DAB1: variants seen among roughly 807,000 people sequenced by gnomAD.
The protein encoded by DAB1 is DAB adaptor protein 1.
In DAB1, 15 loss-of-function variants were observed where a neutral mutation model predicts 64.6. The observed-to-expected ratio is 0.23, with a 90% CI of 0.16 to 0.36. The LOEUF (loss-of-function observed/expected upper bound fraction) is 0.36, where lower values mean the gene tolerates loss of function less well. Ranked by LOEUF, DAB1 falls within the 10% of genes least tolerant of loss-of-function variation. The pLI, the probability that DAB1 is intolerant of heterozygous loss-of-function variation, is 1.00. For missense variants in DAB1, 596 were observed against 706.7 expected (o/e 0.84, Z 1.78); for synonymous variants, 235 against 251.9 (o/e 0.93, Z 0.64).
intron 2 of DAB1, among the ~76,000 whole-genome samples, chr1:57,151,679 C>T (rs12069180): frequency 0.19 from 29,548 of 151,706 alleles, 4,538 homozygotes; most frequent in African/African-American, 0.43. Context: ...ATAATAATCT[C>T]TTAAATATTT....
chr1:57,662,410 G>A (rs1033390508), intron 6 of DAB1, among the ~76,000 whole-genome samples: 5 of 152,024 alleles, frequency 3.3e-5, no homozygotes, highest in African/African-American at 1.2e-4. Flanking sequence ...TGGTCAGGCT[G>A]GTCTCGAACT....
chr1:58,217,779 G>A (rs1187084588), intron 4 of DAB1, among the ~76,000 whole-genome samples: 4 of 152,022 alleles, frequency 2.6e-5, no homozygotes, highest in Non-Finnish European at 4.4e-5. Context: ...TTATTATGTA[G>A]CATGCACTTT....
chr1:57,618,727 A>G (rs762027712), intron 7 of DAB1, among the ~76,000 whole-genome samples: 1 of 135,406 alleles, frequency 7.4e-6, no homozygotes, highest in African/African-American at 2.5e-5. Flanking sequence ...GCTATTACAC[A>G]GATAATAGCA....
intron 5 of DAB1, among the ~76,000 whole-genome samples, chr1:57,948,496 C>T (rs1275732546): frequency 1.3e-5 from 2 of 152,160 alleles, no homozygotes; most frequent in African/African-American, 4.8e-5. Flanking sequence ...GCATCAATAT[C>T]CTGATTTGGC....
At chr1:57,148,140 T>C (rs1296769537) in intron 2 of DAB1, among the ~76,000 whole-genome samples, 1 of 152,158 alleles carries the variant, frequency 6.6e-6, no homozygotes, top group African/African-American at 2.4e-5. Flanking sequence ...CAGATTCCAG[T>C]CATCAGTCAT....
chr1:57,962,923 A>C (rs1307871313), intron 5 of DAB1, among the ~76,000 whole-genome samples: 3 of 151,998 alleles, frequency 2.0e-5, no homozygotes, highest in Non-Finnish European at 4.4e-5. Flanking sequence ...GCCACTTTTA[A>C]AATTTTTTAC....
chr1:58,340,656 C>T lies in DAB1; in HGVS notation n.309+2696G>A, dbSNP rs140194090. 3.5e-3 allele frequency among the ~76,000 whole-genome samples: 537 copies of T among 152,222 alleles called. 3 individuals are homozygous for T. Among genetic ancestry groups the T allele is most frequent in the African/African-American group, 0.012 (508 of 41,540 alleles). ...TCCCCAAATCACAATAAGTGGCTGA[C>T]GTGCTGTGGCTGGGCCTACCCTACA... On this transcript the variant is annotated intron_variant and non_coding_transcript_variant, in intron 4 of 20. Coordinates refer to the DAB1 transcript ENST00000485760.
chr1:58,215,391 C>G (rs1212684426), intron 4 of DAB1, among the ~76,000 whole-genome samples: 1 of 119,358 alleles, frequency 8.4e-6, no homozygotes, highest in Non-Finnish European at 1.8e-5. Flanking sequence ...CTGGTCCACT[C>G]CATGATAGTG....
chr1:57,806,126 T>C (rs1364544693), intron 6 of DAB1, among the ~76,000 whole-genome samples: 1 of 152,224 alleles, frequency 6.6e-6, no homozygotes, highest in Non-Finnish European at 1.5e-5. Context: ...CCGTTATCTC[T>C]GTGAACTTGT....
intron 6 of DAB1, among the ~76,000 whole-genome samples, chr1:57,750,594 G>A (rs955374415): frequency 6.6e-6 from 1 of 152,182 alleles, no homozygotes; most frequent in Non-Finnish European, 1.5e-5. Flanking sequence ...ATAAATAGTA[G>A]TTGAAATGAA....
intron 1 of DAB1, among the ~76,000 whole-genome samples, chr1:57,830,293 C>CA (rs1459128271): frequency 6.6e-6 from 1 of 152,190 alleles, no homozygotes; most frequent in Non-Finnish European, 1.5e-5. Context: ...TCAATTAACA[C>CA]GTTCTTACTC....
At chr1:57,300,402 G>A (rs553832768) in intron 1 of DAB1, among the ~76,000 whole-genome samples, 12 of 152,284 alleles carry the variant, frequency 7.9e-5, no homozygotes, top group African/African-American at 2.6e-4. Flanking sequence ...CTACAGGGTG[G>A]AGCAAGGCAG....
chr1:57,328,508 A>G (rs1676373789), intron 1 of DAB1, among the ~76,000 whole-genome samples: 1 of 152,178 alleles, frequency 6.6e-6, no homozygotes, highest in Non-Finnish European at 1.5e-5. Context: ...TACGCACTGT[A>G]TTTTGCAGTA....
chr1:58,523,589 T>C (rs528954900), intron 2 of DAB1, among the ~76,000 whole-genome samples: 1 of 152,120 alleles, frequency 6.6e-6, no homozygotes, highest in East Asian at 1.9e-4. Flanking sequence ...ACCAGAGGAA[T>C]TGAGAATGTA....
At chr1:57,545,019 GA>G (rs1262799779) in intron 7 of DAB1, among the ~76,000 whole-genome samples, 2 of 152,156 alleles carry the variant, frequency 1.3e-5, no homozygotes, top group African/African-American at 4.8e-5. Context: ...CTCTTAGAAT[GA>G]AACCCAAATC....
chr1:57,742,620 G>T (rs1648057575), intron 6 of DAB1, among the ~76,000 whole-genome samples: 1 of 152,152 alleles, frequency 6.6e-6, no homozygotes, highest in South Asian at 2.1e-4. Context: ...CTCTCCACAG[G>T]CCTGTTGCTC....
chr1:57,387,993 A>G (rs1682028303), intron 1 of DAB1, among the ~76,000 whole-genome samples: 1 of 152,052 alleles, frequency 6.6e-6, no homozygotes, highest in South Asian at 2.1e-4. Flanking sequence ...CTTTCAACAG[A>G]TTCTAAATAC....
chr1:57,285,923 C>T (rs377333952), intron 2 of DAB1, among the ~76,000 whole-genome samples: 169 of 152,320 alleles, frequency 1.1e-3, no homozygotes, highest in African/African-American at 3.9e-3. Context: ...GATTGTCCTC[C>T]TTTGATGGCA....
chr1:58,002,066 C>T (rs898255611), intron 5 of DAB1, among the ~76,000 whole-genome samples: 2 of 152,208 alleles, frequency 1.3e-5, no homozygotes, highest in African/African-American at 4.8e-5. Context: ...GCCCTCCCAA[C>T]ACATTAATTC....
Sources: allele counts gnomAD v4.1 joint callset (sites outside exome capture counted in the v4.1 genomes callset), GRCh38; gene constraint gnomAD v4.1.1; transcripts MANE v1.5; gene names NCBI Gene and HGNC (gene_info 2026-07-23, HGNC 2026-07-21).